DNM3: variants seen among roughly 807,000 people sequenced by gnomAD.
The protein encoded by DNM3 is dynamin-3.
A neutral mutation model predicts 101.6 loss-of-function variants in DNM3; 47 were observed. That is an observed-to-expected ratio of 0.46 (90% confidence interval 0.37 to 0.59). The LOEUF (loss-of-function observed/expected upper bound fraction) is 0.59, where lower values mean the gene tolerates loss of function less well. Ranked by LOEUF, DNM3 falls within the 20% of genes least tolerant of loss-of-function variation. DNM3 has a pLI of 0.00. For synonymous variants in DNM3, 385 were observed against 387.9 expected (o/e 0.99, Z 0.09); for missense variants, 849 against 1,085.7 (o/e 0.78, Z 3.06).
intron 14 of DNM3, among the ~76,000 whole-genome samples, chr1:172,156,916 A>G (rs573611965): frequency 1.3e-5 from 2 of 152,190 alleles, no homozygotes; most frequent in Non-Finnish European, 1.5e-5. Flanking sequence ...ACATTTTTCC[A>G]TCTGCAAAAT....
chr1:172,058,357 T>A (rs891958389), intron 10 of DNM3, among the ~76,000 whole-genome samples: 10 of 151,068 alleles, frequency 6.6e-5, no homozygotes, highest in African/African-American at 2.4e-4. Flanking sequence ...AATAGACATC[T>A]ACAGAACTCT....
intron 14 of DNM3, among the ~76,000 whole-genome samples, chr1:172,239,503 A>G (rs2061664594): frequency 6.6e-6 from 1 of 152,166 alleles, no homozygotes; most frequent in Admixed American, 6.5e-5. Flanking sequence ...CGAGGAACTT[A>G]CAGAAGGTTC....
chr1:172,197,972 C>T (rs2060014627), intron 14 of DNM3, among the ~76,000 whole-genome samples: 1 of 152,096 alleles, frequency 6.6e-6, no homozygotes, highest in African/African-American at 2.4e-5. Flanking sequence ...GAGAGGGCAT[C>T]CTTGTCCTGT....
intron 17 of DNM3, 69 bp from the exon 18 acceptor site, chr1:172,378,949 A>G (rs2068750828): frequency 1.3e-6 from 2 of 1,502,154 alleles, no homozygotes; most frequent in South Asian, 1.3e-5. Context: ...ATAATCTGAT[A>G]ACGACTGACA....
At chr1:171,924,739 C>A (rs532541157) in intron 2 of DNM3, among the ~76,000 whole-genome samples, 1 of 152,118 alleles carries the variant, frequency 6.6e-6, no homozygotes, top group South Asian at 2.1e-4. Context: ...AAAGCCTAAA[C>A]ATATCAATAG....
At position 171,882,204 on chromosome 1, in the gene DNM3, G is replaced by A. The variant is rs560444722; in HGVS notation, c.162-39544G>A. ...ACTAAAAATACAAAATTAGCTGGGC[G>A]TGGTGGTGCATGCCTGTAATCCCAG... On this transcript the variant is annotated intron_variant, in intron 1 of 20. Coordinates refer to ENST00000627582, the MANE Select transcript of DNM3 (RefSeq NM_015569.5). Among the ~76,000 whole-genome samples, 13 of 152,030 alleles carry A rather than the reference G, an allele frequency of 8.6e-5. No individual in the cohort carries two copies. In the East Asian group the frequency reaches 1.5e-3, roughly 18 times the overall value.
intron 14 of DNM3, among the ~76,000 whole-genome samples, chr1:172,214,786 T>C (rs1031035341): frequency 7.9e-5 from 12 of 152,062 alleles, no homozygotes; most frequent in Non-Finnish European, 1.2e-4. Context: ...TTTTCAATAG[T>C]AACACTGAGA....
At chr1:172,158,721 G>A (rs958311236) in intron 14 of DNM3, among the ~76,000 whole-genome samples, 2 of 151,940 alleles carry the variant, frequency 1.3e-5, no homozygotes, top group African/African-American at 4.8e-5. Context: ...GTTTGGGTTT[G>A]TTTTCAGAGA....
chr1:171,912,178 C>T (rs994326218), intron 1 of DNM3, among the ~76,000 whole-genome samples: 8 of 152,022 alleles, frequency 5.3e-5, no homozygotes, highest in Non-Finnish European at 8.8e-5. Flanking sequence ...ATGTATAATA[C>T]ATATTCTCAG....
At chr1:171,972,236 T>C (rs1176675492) in intron 2 of DNM3, among the ~76,000 whole-genome samples, 2 of 152,240 alleles carry the variant, frequency 1.3e-5, no homozygotes, top group African/African-American at 4.8e-5. Context: ...ATACATGTTA[T>C]ATGAATATTC....
At chr1:172,257,247 G>A (rs569918471) in intron 15 of DNM3, among the ~76,000 whole-genome samples, 3 of 152,040 alleles carry the variant, frequency 2.0e-5, no homozygotes, top group Non-Finnish European at 4.4e-5. Flanking sequence ...AAATACACCT[G>A]TGAATCAAAT....
At chr1:172,167,567 G>A (rs1049102991) in intron 14 of DNM3, among the ~76,000 whole-genome samples, 1 of 151,880 alleles carries the variant, frequency 6.6e-6, no homozygotes, top group African/African-American at 2.4e-5. Flanking sequence ...TTCTCCACAT[G>A]CTCTCCAGCA....
Position 172,412,087 on chromosome 1 carries a change from G to A in DNM3, c.*4246G>A. On this transcript the variant is annotated 3_prime_UTR_variant, in exon 21 of 21. Transcript: ENST00000627582. ...TGTATATATGTAAGAATGTGTGTAT[G>A]TGTGAGAGCAAGAGAGAGGAAACTC... is the stretch of plus-strand genomic sequence containing the variant. The A allele has an allele frequency of 1.0e-6, 1 of 985,730 alleles. No homozygotes were observed. Among genetic ancestry groups the A allele is most frequent in the Non-Finnish European group, 1.2e-6 (1 of 829,850 alleles). The allele number at this position is 985,730 out of a possible 1,614,324, so 61.1% of individuals were successfully genotyped here.
At position 172,387,286 on chromosome 1, in the gene DNM3, G is replaced by C; in HGVS notation, c.2212G>C (p.Asp738His). The part of the protein sequence containing the change: ...ALKEALGIIG[D>H]ISTATVSTPA... ...GAAAGAAGCCCTTGGGATAATTGGG[G>C]ACATCAGCACAGCCACCGTGTCCAC... The change falls in exon 19 of 21, where the codon GAC becomes CAC. Residue 738 changes from aspartate to histidine, a missense_variant. Asp to His is a moderately conservative substitution (Grantham distance 81, BLOSUM62 -1). This residue lies in a region of DNM3 where 256 missense variants were observed against 311.7 expected (regional missense o/e 0.82). Coordinates refer to ENST00000627582, the MANE Select transcript of DNM3 (RefSeq NM_015569.5). The C allele has an allele frequency of 6.2e-7, 1 of 1,613,900 alleles. No individual in the cohort carries two copies. The highest frequency in any genetic ancestry group is 8.5e-7 in the Non-Finnish European group (1 of 1,179,860).
intron 1 of DNM3, among the ~76,000 whole-genome samples, chr1:171,889,631 A>T (rs2037085533): frequency 6.6e-6 from 1 of 152,220 alleles, no homozygotes; most frequent in Admixed American, 6.5e-5. Flanking sequence ...GAGAGGCTAA[A>T]ACTGAGAATT....
At chr1:171,907,761 C>T (rs899429607) in intron 1 of DNM3, among the ~76,000 whole-genome samples, 6 of 152,150 alleles carry the variant, frequency 3.9e-5, no homozygotes, top group African/African-American at 1.4e-4. Context: ...TACTTTGATC[C>T]ACTATTTAAA....
At chr1:172,054,914 G>A (rs2050475174) in intron 10 of DNM3, among the ~76,000 whole-genome samples, 1 of 152,020 alleles carries the variant, frequency 6.6e-6, no homozygotes, top group Non-Finnish European at 1.5e-5. Flanking sequence ...AGCCGAGATT[G>A]CACTATTGCA....
At position 172,331,102 on chromosome 1, in the gene DNM3, G is replaced by A. The variant is rs947008229; in HGVS notation, c.1893+7762G>A. ...TTCATTGCCTATTGCTTTCAATAGT[G>A]TCTTTGTTTCAAATGCTCAAATTCC... On this transcript the variant is annotated intron_variant, in intron 17 of 20. Transcript: ENST00000627582. Among the ~76,000 whole-genome samples the A allele has an allele frequency of 2.0e-5, 3 of 152,126 alleles. No homozygotes were observed. In the East Asian group the frequency reaches 5.8e-4, roughly 29 times the overall value.
chr1:171,878,702 A>G (rs725164), intron 1 of DNM3, among the ~76,000 whole-genome samples: 64,808 of 151,950 alleles, frequency 0.43, 13,965 homozygotes, highest in African/African-American at 0.44. Flanking sequence ...ATGTGAAAAG[A>G]CATACCATTA....
Sources: gnomAD v4.1 joint callset for allele counts (sites outside exome capture counted in the v4.1 genomes callset) on GRCh38, gnomAD v4.1.1 for gene constraint, gnomAD v4.1.1 regional missense constraint, MANE v1.5 for transcripts, NCBI Gene and HGNC (gene_info 2026-07-23, HGNC 2026-07-21) for gene names.